SYNE1: variants seen among roughly 807,000 people sequenced by gnomAD.
The protein encoded by SYNE1 is spectrin repeat containing nuclear envelope protein 1.
In SYNE1, 616 loss-of-function variants were observed where a neutral mutation model predicts 1,111.0. That is an observed-to-expected ratio of 0.55 (90% CI 0.52 to 0.59). The LOEUF (loss-of-function observed/expected upper bound fraction) is 0.59. Among genes scored for constraint, SYNE1 ranks in the 20% least tolerant of loss-of-function variants. The pLI is 0.00. For missense variants in SYNE1, 10,006 were observed against 10,417.0 expected (o/e 0.96, Z 1.72); for synonymous variants, 3,855 against 3,825.8 (o/e 1.01, Z -0.28).
intron 104 of SYNE1, among the ~76,000 whole-genome samples, chr6:152,253,818 G>GTTTTTTTTTTTTTTTTTTTTT (rs35951972): frequency 2.7e-5 from 2 of 74,808 alleles, no homozygotes; most frequent in African/African-American, 6.2e-5. Context: ...TAGTGGTTTG[G>GTTTTTTTTTTTTTTTTTTTTT]TTTTTTTTTT....
chr6:152,426,268 C>A (rs981257422), intron 38 of SYNE1, among the ~76,000 whole-genome samples: 9 of 152,200 alleles, frequency 5.9e-5, no homozygotes, highest in African/African-American at 2.2e-4. Flanking sequence ...AAATGCTCTC[C>A]TTCCCTTCCT....
At chr6:152,244,053 A>G (rs773488794) in intron 106 of SYNE1, among the ~76,000 whole-genome samples, 1 of 152,196 alleles carries the variant, frequency 6.6e-6, no homozygotes, top group Non-Finnish European at 1.5e-5. Context: ...TAGAATTGAA[A>G]CAATGTCTCT....
intron 3 of SYNE1, among the ~76,000 whole-genome samples, chr6:152,563,437 TTTTGG>T (rs2099401495): frequency 6.6e-6 from 1 of 152,302 alleles, no homozygotes; most frequent in South Asian, 2.1e-4. Context: ...TCAGATGCAC[TTTTGG>T]TGAAAAAAAA....
intron 39 of SYNE1, among the ~76,000 whole-genome samples, chr6:152,424,075 C>T (rs1333707673): frequency 6.6e-6 from 1 of 152,166 alleles, no homozygotes; most frequent in Admixed American, 6.5e-5. Context: ...CCCCTCTCTC[C>T]ACACCATGGA....
intron 55 of SYNE1, among the ~76,000 whole-genome samples, chr6:152,381,822 C>T (rs1386544749): frequency 6.6e-6 from 1 of 152,150 alleles, no homozygotes. Flanking sequence ...CACTTCCATT[C>T]TACTAGGAAT....
At chr6:152,274,227 A>AAT (rs1364472507) in intron 98 of SYNE1, among the ~76,000 whole-genome samples, 3 of 152,194 alleles carry the variant, frequency 2.0e-5, no homozygotes, top group African/African-American at 7.2e-5. Flanking sequence ...GTCACATTGC[A>AAT]TGTGCATTTT....
At chr6:152,280,352 G>A (rs958810258) in intron 97 of SYNE1, among the ~76,000 whole-genome samples, 2 of 152,090 alleles carry the variant, frequency 1.3e-5, no homozygotes, top group South Asian at 2.1e-4. Context: ...TCCAACCCAC[G>A]GACCATGGGC....
intron 73 of SYNE1, among the ~76,000 whole-genome samples, chr6:152,346,069 G>A (rs148177915): frequency 1.5e-4 from 23 of 152,258 alleles, no homozygotes; most frequent in African/African-American, 5.3e-4. Context: ...AGTATTGATC[G>A]TGTGCAAAGA....
intron 3 of SYNE1, among the ~76,000 whole-genome samples, chr6:152,614,321 A>G (rs1347647745): frequency 6.6e-6 from 1 of 152,238 alleles, no homozygotes. Context: ...AAGTGGGCAA[A>G]GGATATAAAC....
In SYNE1 at chr6:152,430,127, A is replaced by C. The variant is rs745768030; in HGVS notation, c.4773T>G (p.Val1591=). Residue 1591 remains valine, a synonymous_variant, in exon 36 of 146, where the codon GTT becomes GTG. Coordinates refer to ENST00000367255, the MANE Select transcript of SYNE1 (RefSeq NM_182961.4). ...ICSSATETYK[V]LQEHMDLCQA... Reference sequence around the variant, plus strand: ...ATACTCTTACCATATGTTCTTGAAGAACTTTGTATGTTTCTGTAGCTGAAG... The same window carrying C: ...ATACTCTTACCATATGTTCTTGAAGCACTTTGTATGTTTCTGTAGCTGAAG... 6.3e-7 allele frequency: 1 copy of C among 1,597,136 alleles called. No homozygotes were observed. The highest frequency in any genetic ancestry group is 1.1e-5 in the South Asian group (1 of 89,512).
intron 116 of SYNE1, 67 bp from the exon 117 acceptor site, chr6:152,224,731 T>C (rs2081052084): frequency 1.3e-6 from 2 of 1,481,946 alleles, no homozygotes; most frequent in Non-Finnish European, 1.9e-6. Flanking sequence ...TATATTCAAT[T>C]GATGGGAAAA....
chr6:152,353,472 G>T (rs2096777745), intron 68 of SYNE1, 39 bp from the exon 69 acceptor site: 3 of 1,613,740 alleles, frequency 1.9e-6, no homozygotes, highest in South Asian at 1.1e-5. Context: ...TGAAGTAAAG[G>T]CCTGTGCCAG....
At chr6:152,569,807 A>G (rs1391867421) in intron 3 of SYNE1, among the ~76,000 whole-genome samples, 1 of 152,222 alleles carries the variant, frequency 6.6e-6, no homozygotes, top group Non-Finnish European at 1.5e-5. Flanking sequence ...TTGGGTATAT[A>G]AACCACCTCT....
rs138395598 is a variant in SYNE1, at chr6:152,364,686, GAGGA to G, written c.10145+157_10145+160del. 0.027 allele frequency among the ~76,000 whole-genome samples: 2,949 copies of G among 108,034 alleles called. 94 individuals carry two copies. Among genetic ancestry groups the G allele is most frequent in the African/African-American group, 0.077 (2,038 of 26,340 alleles). The allele number at this position is 108,034 out of a possible 152,430, so 70.9% of individuals were successfully genotyped here. A position where few individuals can be genotyped will look rare whatever the true frequency, so the allele number is the denominator to read the frequency against. On this transcript the variant is annotated intron_variant, in intron 63 of 145. Transcript: ENST00000367255. ...AGGGAGGGAAGGAGGAAGGAGGAAG[GAGGA>G]AGGAAGGAAGGAAGGAAGGAAGGAA...
At chr6:152,154,774 C>T (rs764642972) in intron 133 of SYNE1, 118 bp downstream of exon 133, 65 of 1,161,730 alleles carry the variant, frequency 5.6e-5, no homozygotes, top group Admixed American at 1.2e-4. Flanking sequence ...AAAGTCCTCA[C>T]GCAGCAATTT....
intron 10 of SYNE1, 21 bp from the exon 11 acceptor site, chr6:152,498,813 T>C (rs1468678308): frequency 7.4e-7 from 1 of 1,344,038 alleles, no homozygotes; most frequent in Admixed American, 2.1e-5. Context: ...GAAAAGATAA[T>C]ATATAGAAAT....
chr6:152,279,878 C>T (rs978461749), intron 97 of SYNE1, among the ~76,000 whole-genome samples: 3 of 152,036 alleles, frequency 2.0e-5, no homozygotes, highest in African/African-American at 4.8e-5. Flanking sequence ...CCATTAGGCA[C>T]AGCAAGTACA....
Position 152,331,195 on chromosome 6 carries a change from T to C in SYNE1, c.13490A>G (p.Lys4497Arg). ...DDVSKQVKTC[K>R]SAQASLKTYQ... ...AGTCTTGAGGCTGGCTTGTGCACTC[T>C]TACATGTTTTGACTTGTTTGCTCAC... Residue 4497 changes from lysine to arginine, a missense_variant, in exon 78 of 146, where the codon AAG becomes AGG. Lys to Arg is a conservative substitution (Grantham distance 26, BLOSUM62 2). Coordinates refer to ENST00000367255, the MANE Select transcript of SYNE1 (RefSeq NM_182961.4). 1 of 1,614,012 alleles carries C rather than the reference T, an allele frequency of 6.2e-7. No individual in the cohort carries two copies. Among genetic ancestry groups the C allele is most frequent in the Non-Finnish European group, 8.5e-7 (1 of 1,180,038 alleles).
chr6:152,247,847 T>A (rs1399984393), intron 105 of SYNE1, among the ~76,000 whole-genome samples: 7 of 106,438 alleles, frequency 6.6e-5, no homozygotes, highest in Non-Finnish European at 1.1e-4. Context: ...TTTTGAGAGG[T>A]GTTCTTTAAC....
Sources: allele counts gnomAD v4.1 joint callset (sites outside exome capture counted in the v4.1 genomes callset), GRCh38; gene constraint gnomAD v4.1.1; transcripts MANE v1.5; gene names NCBI Gene and HGNC (gene_info 2026-07-23, HGNC 2026-07-21).